The following SYNJ1 variants were observed in gnomAD, a reference collection of about 807,000 sequenced individuals.
SYNJ1 encodes the protein polyphosphatidylinositol phosphatase SYNJ1.
SYNJ1 carries 78 observed loss-of-function variants against 168.2 expected under a neutral mutation model. That is an observed-to-expected ratio of 0.46 (90% CI 0.39 to 0.56). SYNJ1 has a LOEUF of 0.56. SYNJ1 is among the 20% of genes least tolerant of loss of function. SYNJ1 has a pLI of 0.00. For missense variants in SYNJ1, 1,303 were observed against 1,597.6 expected (o/e 0.82, Z 3.14); for synonymous variants, 539 against 548.6 (o/e 0.98, Z 0.24).
At chr21:32,703,229 T>C (rs559810214) in intron 2 of SYNJ1, among the ~76,000 whole-genome samples, 2 of 152,342 alleles carry the variant, frequency 1.3e-5, no homozygotes, top group East Asian at 3.9e-4. Context: ...TTCTCTAACA[T>C]GTTCATTATT....
intron 21 of SYNJ1, among the ~76,000 whole-genome samples, chr21:32,656,415 G>A (rs1200951107): frequency 6.6e-6 from 1 of 152,114 alleles, no homozygotes; most frequent in African/African-American, 2.4e-5. Context: ...CTGCATTCCA[G>A]CCTGGGTGAC....
chr21:32,697,209 C>T (rs2042242464), intron 4 of SYNJ1, among the ~76,000 whole-genome samples: 1 of 152,108 alleles, frequency 6.6e-6, no homozygotes. Flanking sequence ...TGGAGTAAAG[C>T]TATCTGGGCT....
At chr21:32,666,596 G>C (rs370975232) in intron 15 of SYNJ1, 23 bp from the exon 16 acceptor site, 2 of 1,596,248 alleles carry the variant, frequency 1.3e-6, no homozygotes, top group Admixed American at 1.8e-5. Flanking sequence ...ATTAAAAAGA[G>C]AATTTTTTAA....
chr21:32,690,062 G>A (rs895627832), intron 6 of SYNJ1, among the ~76,000 whole-genome samples: 4 of 152,076 alleles, frequency 2.6e-5, no homozygotes, highest in Non-Finnish European at 4.4e-5. Context: ...GTACTGCAAC[G>A]GTGCATAAGG....
chr21:32,675,928 T>C (rs940356715), intron 13 of SYNJ1, among the ~76,000 whole-genome samples: 1 of 152,214 alleles, frequency 6.6e-6, no homozygotes, highest in Non-Finnish European at 1.5e-5. Flanking sequence ...AAACACTGTT[T>C]AGTAGTTGTA....
At chr21:32,661,611 A>G (rs2040706669) in intron 18 of SYNJ1, among the ~76,000 whole-genome samples, 1 of 152,194 alleles carries the variant, frequency 6.6e-6, no homozygotes, top group African/African-American at 2.4e-5. Flanking sequence ...CTTGGAAACT[A>G]CATGCCGCCT....
chr21:32,691,530 T>C (rs2042025870), intron 6 of SYNJ1, among the ~76,000 whole-genome samples: 1 of 152,200 alleles, frequency 6.6e-6, no homozygotes, highest in South Asian at 2.1e-4. Flanking sequence ...AAATGTAGTA[T>C]AATAATATAT....
intron 23 of SYNJ1, among the ~76,000 whole-genome samples, chr21:32,648,026 T>C (rs577265417): frequency 6.6e-6 from 1 of 152,254 alleles, no homozygotes; most frequent in African/African-American, 2.4e-5. Flanking sequence ...GAACCCCTAC[T>C]TCAACAGCCT....
At chr21:32,674,567 TAA>T (rs1368107509) in intron 13 of SYNJ1, among the ~76,000 whole-genome samples, 1 of 151,654 alleles carries the variant, frequency 6.6e-6, no homozygotes, top group Non-Finnish European at 1.5e-5. Flanking sequence ...AAGTGCTCAA[TAA>T]ATAATTGTTA....
chr21:32,631,927 T>C, intron 32 of SYNJ1, 126 bp from the exon 33 acceptor site: 1 of 842,280 alleles, frequency 1.2e-6, no homozygotes, highest in Non-Finnish European at 1.8e-6. Flanking sequence ...AAAAGTAGCT[T>C]TGTGTAGTTT....
At chr21:32,695,516 C>T (rs2042170633) in intron 4 of SYNJ1, among the ~76,000 whole-genome samples, 1 of 152,068 alleles carries the variant, frequency 6.6e-6, no homozygotes, top group Non-Finnish European at 1.5e-5. Flanking sequence ...TTTTTAGTAT[C>T]TGTGGCCCAT....
At chr21:32,653,624 C>G in intron 21 of SYNJ1, 1 of 370,550 alleles carries the variant, frequency 2.7e-6, no homozygotes, top group Non-Finnish European at 5.0e-6. Flanking sequence ...GTGATCACTG[C>G]TAATCCAGTC....
At chr21:32,645,266 G>A (rs1217286792) in intron 25 of SYNJ1, among the ~76,000 whole-genome samples, 3 of 152,074 alleles carry the variant, frequency 2.0e-5, no homozygotes, top group Admixed American at 6.6e-5. Context: ...TACTTTTACA[G>A]AAATTAGTAC....
intron 23 of SYNJ1, 94 bp downstream of exon 23, chr21:32,650,090 A>G: frequency 6.9e-7 from 1 of 1,440,086 alleles, no homozygotes; most frequent in African/African-American, 1.4e-5. Flanking sequence ...CGTCCCAAGA[A>G]GAAGAAGAAA....
Position 32,709,521 on chromosome 21 carries a change from G to GTT in SYNJ1, c.125-7476_125-7475dup, listed in dbSNP as rs368352218. Among the ~76,000 whole-genome samples the GTT allele has an allele frequency of 2.9e-3, 369 of 127,934 alleles. 7 individuals carry two copies. The East Asian group carries it at 0.045, about 16-fold the overall frequency. 83.9% of individuals were successfully genotyped at this position (127,934 alleles called of 152,430 possible). A position where few individuals can be genotyped will look rare whatever the true frequency, so the allele number is the denominator to read the frequency against. Reference sequence around the variant, plus strand: ...AAAAAAGAAAGAGATTTTATGGAGTGTTTTTTTTTTTTTGAGACAGAGTCT... The same window carrying GTT: ...AAAAAAGAAAGAGATTTTATGGAGTGTTTTTTTTTTTTTTTGAGACAGAGTCT... On this transcript the variant is annotated intron_variant, in intron 2 of 32. Coordinates refer to ENST00000674351, the MANE Select transcript of SYNJ1 (RefSeq NM_203446.3).
intron 12 of SYNJ1, 44 bp from the exon 13 acceptor site, chr21:32,676,399 C>T (rs1382268276): frequency 3.2e-6 from 5 of 1,583,392 alleles, no homozygotes; most frequent in Non-Finnish European, 4.3e-6. Context: ...TTAGTAAAAA[C>T]AAGTTACAAT....
rs756959605 is a variant in SYNJ1, at chr21:32,656,677, A to G, written c.2795+10T>C. 1.2e-5 allele frequency: 20 copies of G among 1,603,032 alleles called. No homozygotes were observed. In the African/African-American group the frequency reaches 2.0e-4, roughly 16 times the overall value. On this transcript the variant is annotated intron_variant, in intron 21 of 32. Coordinates refer to ENST00000674351, the MANE Select transcript of SYNJ1 (RefSeq NM_203446.3). ...AATCACAAGCTACTTTTGCATAATA[A>G]ACATCTTACCTTATAAGTATAACTT... is the stretch of plus-strand genomic sequence containing the variant.
intron 18 of SYNJ1, among the ~76,000 whole-genome samples, chr21:32,659,662 G>A (rs1418087353): frequency 3.3e-5 from 5 of 152,070 alleles, no homozygotes; most frequent in East Asian, 1.9e-4. Flanking sequence ...ACCCTATCAC[G>A]CGGACCCCCT....
chr21:32,695,869 C>T (rs1288128129), intron 4 of SYNJ1, among the ~76,000 whole-genome samples: 17 of 146,766 alleles, frequency 1.2e-4, no homozygotes, highest in South Asian at 6.5e-4. Flanking sequence ...TTTTTTGAGA[C>T]GGAGTCTCGC....
Sources: allele counts gnomAD v4.1 joint callset (sites outside exome capture counted in the v4.1 genomes callset), GRCh38; gene constraint gnomAD v4.1.1; transcripts MANE v1.5; gene names NCBI Gene and HGNC (gene_info 2026-07-23, HGNC 2026-07-21).